DCLK1: variants seen among roughly 807,000 people sequenced by gnomAD.
DCLK1 encodes the protein doublecortin like kinase 1.
Under a neutral mutation model 86.2 loss-of-function variants are expected in DCLK1, and 16 were observed. That is an observed-to-expected ratio of 0.19 (90% CI 0.13 to 0.28). DCLK1 has a LOEUF of 0.28. Ranked by LOEUF, DCLK1 falls within the 10% of genes least tolerant of loss-of-function variation. The pLI, the probability that DCLK1 is intolerant of heterozygous loss-of-function variation, is 1.00. For synonymous variants in DCLK1, 369 were observed against 370.5 expected (o/e 1.00, Z 0.05); for missense variants, 590 against 940.2 (o/e 0.63, Z 4.87).
At chr13:36,066,285 T>C (rs1390846333) in intron 3 of DCLK1, among the ~76,000 whole-genome samples, 1 of 152,124 alleles carries the variant, frequency 6.6e-6, no homozygotes, top group African/African-American at 2.4e-5. Context: ...CCTCTTCTCA[T>C]GAGAGTGGTC....
intron 4 of DCLK1, among the ~76,000 whole-genome samples, chr13:35,905,765 G>A (rs1202848228): frequency 1.3e-5 from 2 of 151,980 alleles, no homozygotes; most frequent in Non-Finnish European, 2.9e-5. Flanking sequence ...GGCCAACATG[G>A]TGAAACCCTG....
At chr13:36,079,600 C>A (rs1394809495) in intron 3 of DCLK1, among the ~76,000 whole-genome samples, 1 of 151,910 alleles carries the variant, frequency 6.6e-6, no homozygotes, top group Non-Finnish European at 1.5e-5. Flanking sequence ...CCATTGCACT[C>A]CAGCCTGGGG....
intron 4 of DCLK1, among the ~76,000 whole-genome samples, chr13:35,919,548 A>G (rs1480800999): frequency 6.6e-6 from 1 of 152,010 alleles, no homozygotes; most frequent in East Asian, 1.9e-4. Flanking sequence ...TCTTCTTGGA[A>G]CCCCAGAGAA....
chr13:36,104,508 T>C (rs1035674259), intron 3 of DCLK1, among the ~76,000 whole-genome samples: 2 of 152,184 alleles, frequency 1.3e-5, no homozygotes, highest in African/African-American at 4.8e-5. Context: ...AAATATTTCA[T>C]AGACAAGGCC....
intron 4 of DCLK1, among the ~76,000 whole-genome samples, chr13:35,927,230 T>C (rs1876172784): frequency 6.6e-6 from 1 of 152,266 alleles, no homozygotes; most frequent in African/African-American, 2.4e-5. Flanking sequence ...AAGTCTACTC[T>C]ACAAGCAAAT....
intron 6 of DCLK1, chr13:35,849,005 T>C: frequency 1.0e-6 from 1 of 985,340 alleles, no homozygotes; most frequent in South Asian, 4.7e-5. Context: ...GGTATTATTA[T>C]GAACTGTTCT....
chr13:36,074,508 AAAAAAAAAACAG>A (rs1884107437), intron 3 of DCLK1, among the ~76,000 whole-genome samples: 1 of 112,290 alleles, frequency 8.9e-6, no homozygotes, highest in Admixed American at 9.7e-5. Context: ...AAAAAAAAAA[AAAAAAAAAACAG>A]AGAAGACAAT....
chr13:36,028,378 T>TCATGGA (rs777067912), intron 3 of DCLK1, among the ~76,000 whole-genome samples: 2 of 152,166 alleles, frequency 1.3e-5, no homozygotes, highest in Non-Finnish European at 2.9e-5. Context: ...ACCACATGGC[T>TCATGGA]CATGGACTTC....
chr13:36,116,501 T>C (rs1191635165), intron 2 of DCLK1, among the ~76,000 whole-genome samples: 1 of 152,138 alleles, frequency 6.6e-6, no homozygotes, highest in East Asian at 1.9e-4. Context: ...CGAGACTCTA[T>C]ATTGGGGGAT....
At chr13:35,835,981 CAT>C in intron 8 of DCLK1, 50 bp downstream of exon 8, 1 of 1,323,952 alleles carries the variant, frequency 7.6e-7, no homozygotes, top group Non-Finnish European at 1.1e-6. Context: ...TCTTGGAAAA[CAT>C]AACGCCAAAT....
At chr13:35,849,637 A>T in intron 6 of DCLK1, 24 of 981,772 alleles carry the variant, frequency 2.4e-5, no homozygotes, top group Non-Finnish European at 2.8e-5. Flanking sequence ...GAAGAGCAGA[A>T]TTAGTAGGTT....
intron 3 of DCLK1, among the ~76,000 whole-genome samples, chr13:36,014,179 C>A (rs1265648156): frequency 3.3e-5 from 5 of 152,334 alleles, no homozygotes; most frequent in Middle Eastern, 3.4e-3. Flanking sequence ...CTGCGTCGCT[C>A]ACGCTGGGAG....
At chr13:35,836,944 T>G (rs976283357) in intron 7 of DCLK1, among the ~76,000 whole-genome samples, 4 of 152,206 alleles carry the variant, frequency 2.6e-5, no homozygotes, top group Non-Finnish European at 5.9e-5. Context: ...ATCTTAAGGG[T>G]GTAAAAAGTC....
chr13:35,879,172 T>G (rs1484966419), intron 4 of DCLK1, among the ~76,000 whole-genome samples: 1 of 152,196 alleles, frequency 6.6e-6, no homozygotes, highest in Non-Finnish European at 1.5e-5. Context: ...CTGGAGTAAC[T>G]TAACTGGAGA....
chr13:35,877,039 A>C (rs1566581312), intron 4 of DCLK1, among the ~76,000 whole-genome samples: 1 of 152,240 alleles, frequency 6.6e-6, no homozygotes, highest in African/African-American at 2.4e-5. Context: ...ACAGCAGGCA[A>C]GCAAGTAAGC....
At position 35,805,006 on chromosome 13, in the gene DCLK1, A is replaced by G. The variant is rs547326827; in HGVS notation, c.1944+693T>C. On this transcript the variant is annotated intron_variant, in intron 15 of 16. Coordinates refer to ENST00000360631, the MANE Select transcript of DCLK1 (RefSeq NM_001330071.2). ...GAGAAGTGCTGAAATGGAGTAGCCCAAGGTTTATGTCGAAACCCTTAGGTC... is the reference window on the plus strand; with the variant it reads ...GAGAAGTGCTGAAATGGAGTAGCCCGAGGTTTATGTCGAAACCCTTAGGTC... Among the ~76,000 whole-genome samples the G allele has an allele frequency of 6.6e-5, 10 of 152,318 alleles. No homozygotes were observed. The East Asian group carries it at 1.9e-3, about 29-fold the overall frequency.
At chr13:36,030,124 C>G (rs1303068093) in intron 3 of DCLK1, among the ~76,000 whole-genome samples, 1 of 152,168 alleles carries the variant, frequency 6.6e-6, no homozygotes, top group Non-Finnish European at 1.5e-5. Context: ...CAAAATCTTG[C>G]AAACGTTGAA....
At chr13:35,798,375 A>G (rs966071343) in intron 15 of DCLK1, among the ~76,000 whole-genome samples, 1 of 152,252 alleles carries the variant, frequency 6.6e-6, no homozygotes, top group Non-Finnish European at 1.5e-5. Flanking sequence ...CAGTCTATTC[A>G]TTGCCAGACT....
intron 2 of DCLK1, among the ~76,000 whole-genome samples, chr13:36,123,311 A>T (rs1308327130): frequency 6.6e-6 from 1 of 152,242 alleles, no homozygotes; most frequent in Non-Finnish European, 1.5e-5. Flanking sequence ...CACTAAGTGC[A>T]GCTGCATGCT....
Sources: gnomAD v4.1 joint callset for allele counts (sites outside exome capture counted in the v4.1 genomes callset) on GRCh38, gnomAD v4.1.1 for gene constraint, MANE v1.5 for transcripts, NCBI Gene and HGNC (gene_info 2026-07-23, HGNC 2026-07-21) for gene names.